TMPRSS15: variants seen among roughly 807,000 people sequenced by gnomAD.
The protein encoded by TMPRSS15 is transmembrane serine protease 15.
In TMPRSS15, 128 loss-of-function variants were observed where a neutral mutation model predicts 125.3. The observed-to-expected ratio is 1.02, with a 90% CI of 0.89 to 1.18. The LOEUF is 1.18. TMPRSS15 is among the 50% of genes most tolerant of loss of function. The pLI is 0.00. For synonymous variants in TMPRSS15, 446 were observed against 423.2 expected (o/e 1.05, Z -0.66); for missense variants, 1,283 against 1,212.7 (o/e 1.06, Z -0.86).
rs535174161 is a variant in TMPRSS15 at position 18,341,449 on chromosome 21, G to A, written c.1528C>T (p.Pro510Ser). The A allele has an allele frequency of 6.2e-7, 1 of 1,614,104 alleles. No homozygotes were observed. Among genetic ancestry groups the A allele is most frequent in the African/African-American group, 1.3e-5 (1 of 75,006 alleles). The change falls in exon 13 of 25, where the codon CCA becomes TCA. Residue 510 changes from proline to serine, a missense_variant. Coordinates refer to ENST00000284885, the MANE Select transcript of TMPRSS15 (RefSeq NM_002772.3). ...GGTGGAGGAGTTGGCACCAAAGTTG[G>A]TTCTGGATAAAGACTCCCATTGCAA... ...GICNGSLYPE[P>S]TLVPTPPPEL...
At chr21:18,384,786 G>A (rs1186900473) in intron 3 of TMPRSS15, among the ~76,000 whole-genome samples, 1 of 152,110 alleles carries the variant, frequency 6.6e-6, no homozygotes, top group Non-Finnish European at 1.5e-5. Flanking sequence ...TTGAATTATG[G>A]GAGTTATATA....
chr21:18,305,100 T>C (rs896087435), intron 18 of TMPRSS15, among the ~76,000 whole-genome samples: 3 of 151,452 alleles, frequency 2.0e-5, no homozygotes, highest in Non-Finnish European at 4.4e-5. Context: ...GAAGGACTTA[T>C]TAAATCACAG....
At chr21:18,307,383 T>C (rs908608052) in intron 18 of TMPRSS15, among the ~76,000 whole-genome samples, 9 of 152,190 alleles carry the variant, frequency 5.9e-5, no homozygotes, top group Non-Finnish European at 1.0e-4. Flanking sequence ...GGAAATGGGA[T>C]CAGTGAACTA....
intron 14 of TMPRSS15, among the ~76,000 whole-genome samples, chr21:18,330,794 C>A (rs961635244): frequency 6.6e-6 from 1 of 151,820 alleles, no homozygotes; most frequent in Admixed American, 6.6e-5. Context: ...GTCTTCAGGC[C>A]GGGCACGGTG....
intron 1 of TMPRSS15, among the ~76,000 whole-genome samples, chr21:18,435,808 A>G (rs893929141): frequency 6.6e-6 from 1 of 152,110 alleles, no homozygotes; most frequent in Non-Finnish European, 1.5e-5. Context: ...ACAATTTCAT[A>G]TCCTGTTATT....
intron 19 of TMPRSS15, among the ~76,000 whole-genome samples, chr21:18,296,236 C>A (rs1340965737): frequency 6.6e-6 from 1 of 152,192 alleles, no homozygotes. Context: ...ACATCCTCTT[C>A]TTTTACCTAT....
intron 24 of TMPRSS15, among the ~76,000 whole-genome samples, chr21:18,273,375 G>A (rs1046815178): frequency 1.3e-5 from 2 of 152,100 alleles, no homozygotes; most frequent in African/African-American, 4.8e-5. Context: ...AGTTAATCCT[G>A]TTATAAAACA....
At chr21:18,279,095 A>G (rs746620604) in intron 22 of TMPRSS15, 36 bp from the exon 23 acceptor site, 49 of 1,048,650 alleles carry the variant, frequency 4.7e-5, no homozygotes, top group Non-Finnish European at 6.7e-5. Flanking sequence ...CGAACAAACG[A>G]AGAAAAAGAA....
rs550926776 is a variant in TMPRSS15, at chr21:18,376,773, T to C, written c.532+2510A>G. Reference sequence around the variant, plus strand: ...CACCTCAGTTCCAGTCCTTCTCCTCTAGTGTTCTAAGTGGGTTAGTAAAGC... The same window carrying C: ...CACCTCAGTTCCAGTCCTTCTCCTCCAGTGTTCTAAGTGGGTTAGTAAAGC... On this transcript the variant is annotated intron_variant, in intron 5 of 24. Transcript: ENST00000284885. 2.0e-3 allele frequency among the ~76,000 whole-genome samples: 302 copies of C among 152,276 alleles called. 2 individuals are homozygous for C. Among genetic ancestry groups the C allele is most frequent in the Non-Finnish European group, 3.5e-3 (241 of 68,006 alleles).
rs548039864 is a variant in TMPRSS15, at chr21:18,480,228, T to C, written c.10+5571A>G. On this transcript the variant is annotated intron_variant, in intron 1 of 7. Transcript: ENST00000422787. ...GATCTAATAATATGATGGCCAGTCATCACAGTTTGCACAGTATTATGCTGG... is the reference window on the plus strand; with the variant it reads ...GATCTAATAATATGATGGCCAGTCACCACAGTTTGCACAGTATTATGCTGG... 4.6e-5 allele frequency among the ~76,000 whole-genome samples: 7 copies of C among 152,036 alleles called. No homozygotes were observed. In the East Asian group the frequency reaches 1.4e-3, roughly 29 times the overall value.
intron 1 of TMPRSS15, among the ~76,000 whole-genome samples, chr21:18,442,757 A>G (rs965990697): frequency 6.6e-6 from 1 of 152,242 alleles, no homozygotes; most frequent in African/African-American, 2.4e-5. Flanking sequence ...CTTAGATAAA[A>G]TATTTCCTCA....
chr21:18,482,251 A>G (rs1217260954), intron 1 of TMPRSS15, among the ~76,000 whole-genome samples: 1 of 151,530 alleles, frequency 6.6e-6, no homozygotes, highest in Non-Finnish European at 1.5e-5. Flanking sequence ...AATTCCTGAG[A>G]ATTAAATCTT....
chr21:18,318,959 T>A (rs959762758), intron 16 of TMPRSS15, among the ~76,000 whole-genome samples: 3 of 152,212 alleles, frequency 2.0e-5, no homozygotes, highest in Admixed American at 6.5e-5. Flanking sequence ...AAGATTGATA[T>A]GCCTCAAAAT....
At chr21:18,327,489 G>A (rs1449510549) in intron 15 of TMPRSS15, among the ~76,000 whole-genome samples, 1 of 152,154 alleles carries the variant, frequency 6.6e-6, no homozygotes, top group Non-Finnish European at 1.5e-5. Context: ...CTCCCAGGAA[G>A]CTCACACTCT....
chr21:18,383,733 C>CCACT lies in TMPRSS15; in HGVS notation c.386_389dup (p.Trp130Ter). 1 of 1,613,740 alleles carries CCACT rather than the reference C, an allele frequency of 6.2e-7. No homozygotes were observed. Among genetic ancestry groups the CCACT allele is most frequent in the Non-Finnish European group, 8.5e-7 (1 of 1,179,874 alleles). ...CTTCTTTTACATTTTCATCTGACAC[C>CCACT]CACTGGGCAAAGAAAAGGTCAAATA... is the stretch of plus-strand genomic sequence containing the variant. On this transcript the variant is annotated stop_gained and frameshift_variant, in exon 4 of 25. Transcript: ENST00000284885. LOFTEE classifies it high-confidence loss of function.
intron 1 of TMPRSS15, among the ~76,000 whole-genome samples, chr21:18,399,797 A>C (rs2076078197): frequency 6.6e-6 from 1 of 152,112 alleles, no homozygotes; most frequent in African/African-American, 2.4e-5. Context: ...AAAAAGTATA[A>C]AAAATGTTAA....
chr21:18,310,687 C>T lies in TMPRSS15; in HGVS notation c.2165+2258G>A, dbSNP rs116500998. Among the ~76,000 whole-genome samples the T allele has an allele frequency of 3.7e-3, 567 of 152,088 alleles. 5 individuals carry two copies. The highest frequency in any genetic ancestry group is 0.013 in the African/African-American group (547 of 41,502). On this transcript the variant is annotated intron_variant, in intron 18 of 24. Coordinates refer to ENST00000284885, the MANE Select transcript of TMPRSS15 (RefSeq NM_002772.3). ...GCAATCCCTATCAAAACACCAAAGA[C>T]ATTCTTCACAGGAATAGAAAAAAAA...
At chr21:18,283,846 A>G (rs2074732086) in intron 21 of TMPRSS15, among the ~76,000 whole-genome samples, 2 of 152,208 alleles carry the variant, frequency 1.3e-5, no homozygotes, top group African/African-American at 4.8e-5. Flanking sequence ...TTTATCTGAG[A>G]ACTAATCAAC....
intron 18 of TMPRSS15, among the ~76,000 whole-genome samples, chr21:18,308,308 T>C (rs1246672138): frequency 6.6e-6 from 1 of 152,064 alleles, no homozygotes; most frequent in East Asian, 1.9e-4. Flanking sequence ...CTTCCAAGAC[T>C]TTATGTCTGA....
Sources: gnomAD v4.1 joint callset for allele counts (sites outside exome capture counted in the v4.1 genomes callset) on GRCh38, gnomAD v4.1.1 for gene constraint, MANE v1.5 for transcripts, NCBI Gene and HGNC (gene_info 2026-07-23, HGNC 2026-07-21) for gene names.